WDR49: variants seen among roughly 807,000 people sequenced by gnomAD.
WDR49 encodes the protein WD repeat domain 49.
In WDR49, 107 loss-of-function variants were observed where a neutral mutation model predicts 119.5. The observed-to-expected ratio is 0.90, with a 90% CI of 0.77 to 1.05. The LOEUF (loss-of-function observed/expected upper bound fraction) is 1.05. Among genes scored for constraint, WDR49 ranks in the 50% least tolerant of loss-of-function variants. The pLI is 0.00. For missense variants in WDR49, 1,240 were observed against 1,220.5 expected (o/e 1.02, Z -0.24); for synonymous variants, 425 against 418.8 (o/e 1.01, Z -0.18).
At chr3:167,591,348 T>C (rs1352262525) in intron 7 of WDR49, among the ~76,000 whole-genome samples, 4 of 152,114 alleles carry the variant, frequency 2.6e-5, no homozygotes, top group Admixed American at 1.3e-4. Context: ...CTGAGAATGA[T>C]TCATGTAGTC....
intron 5 of WDR49, among the ~76,000 whole-genome samples, chr3:167,611,873 C>A (rs1716356104): frequency 6.6e-6 from 1 of 152,040 alleles, no homozygotes; most frequent in Non-Finnish European, 1.5e-5. Context: ...AGAGATAGGC[C>A]TTGATACAAT....
chr3:167,555,209 G>C (rs1425561065), intron 9 of WDR49, among the ~76,000 whole-genome samples: 2 of 152,088 alleles, frequency 1.3e-5, no homozygotes, highest in Non-Finnish European at 2.9e-5. Flanking sequence ...CAGTGATGGA[G>C]TCAATCAACC....
At chr3:167,571,370 G>T (rs1713929805) in intron 8 of WDR49, among the ~76,000 whole-genome samples, 1 of 152,036 alleles carries the variant, frequency 6.6e-6, no homozygotes, top group African/African-American at 2.4e-5. Flanking sequence ...TTAGAAGCAG[G>T]ATAAAAAAGT....
intron 2 of WDR49, among the ~76,000 whole-genome samples, chr3:167,645,357 C>T (rs972185090): frequency 6.6e-6 from 1 of 151,962 alleles, no homozygotes; most frequent in Non-Finnish European, 1.5e-5. Flanking sequence ...ATTACAGACA[C>T]CTGCCATAAT....
At position 167,615,590 on chromosome 3, in the gene WDR49, CT is replaced by C. The variant is rs566930666; in HGVS notation, c.958+4838del. Among the ~76,000 whole-genome samples the C allele has an allele frequency of 4.6e-5, 7 of 151,466 alleles. No homozygotes were observed. In the South Asian group the frequency reaches 1.5e-3, roughly 31 times the overall value. The stretch of plus-strand genomic sequence containing the variant: ...CTTTCCAAGTCAAATTGCAAAATGG[CT>C]TTTTTTTGCTCTTCAATCAAAACAT... On this transcript the variant is annotated intron_variant, in intron 5 of 18. Transcript: ENST00000682715.
At position 167,621,482 on chromosome 3, in the gene WDR49, C is replaced by A; in HGVS notation, c.768G>T (p.Gly256=). The change falls in exon 4 of 19, where the codon GGG becomes GGT. Residue 256 remains glycine (G), a synonymous_variant. Transcript: ENST00000682715. ...LDANESILSF[G]DITGKVQAIA... ...CCTCACTTACCTTTCCAGTTATATC[C>A]CCAAAAGAAAGAATTGATTCATTGG... The A allele has an allele frequency of 6.5e-7, 1 of 1,531,396 alleles. No individual in the cohort carries two copies. The allele number at this position is 1,531,396 out of a possible 1,614,324, so 94.9% of individuals were successfully genotyped here.
Position 167,638,416 on chromosome 3 carries a change from G to T in WDR49, c.166-11124C>A, listed in dbSNP as rs574371464. On this transcript the variant is annotated intron_variant, in intron 2 of 18. Transcript: ENST00000682715. ...CTGAATGAGTATACACTATCAAAAT[G>T]CAGCCTTTTCCCCTATAACTATAAT... 4.6e-5 allele frequency among the ~76,000 whole-genome samples: 7 copies of T among 151,578 alleles called. No individual in the cohort carries two copies. The South Asian group carries it at 1.5e-3, about 31-fold the overall frequency.
intron 18 of WDR49, among the ~76,000 whole-genome samples, chr3:167,490,313 T>G (rs181686320): frequency 1.7e-3 from 252 of 152,264 alleles, no homozygotes; most frequent in African/African-American, 5.9e-3. Flanking sequence ...GTGTGTTGTA[T>G]TTGTGAATTT....
chr3:167,553,364 T>C (rs1712693686), intron 10 of WDR49, among the ~76,000 whole-genome samples: 1 of 151,986 alleles, frequency 6.6e-6, no homozygotes, highest in African/African-American at 2.4e-5. Context: ...CCCACCAACA[T>C]AGATAGAATA....
intron 17 of WDR49, among the ~76,000 whole-genome samples, chr3:167,502,099 G>A (rs980053983): frequency 2.0e-5 from 3 of 152,094 alleles, no homozygotes; most frequent in African/African-American, 7.2e-5. Flanking sequence ...GCAATAGTGA[G>A]TGGGTTCTCA....
intron 8 of WDR49, among the ~76,000 whole-genome samples, chr3:167,568,680 C>T (rs1713752895): frequency 6.6e-6 from 1 of 152,120 alleles, no homozygotes; most frequent in Non-Finnish European, 1.5e-5. Context: ...CTTGGTAGTA[C>T]TCACAGCATC....
chr3:167,518,929 GA>G (rs537926194), intron 16 of WDR49, among the ~76,000 whole-genome samples: 338 of 132,804 alleles, frequency 2.5e-3, no homozygotes, highest in Middle Eastern at 0.02. Context: ...AAATTTACAA[GA>G]AAAAAAAAAA....
chr3:167,586,353 G>A (rs184374115), intron 7 of WDR49, among the ~76,000 whole-genome samples: 14 of 152,320 alleles, frequency 9.2e-5, no homozygotes, highest in Admixed American at 2.6e-4. Flanking sequence ...CTTACCACCA[G>A]TGACTGCCAT....
At chr3:167,513,705 T>C (rs1752079072) in intron 16 of WDR49, among the ~76,000 whole-genome samples, 1 of 152,100 alleles carries the variant, frequency 6.6e-6, no homozygotes, top group South Asian at 2.1e-4. Context: ...TGTGCTGTCT[T>C]CAAAAGATGT....
intron 5 of WDR49, among the ~76,000 whole-genome samples, chr3:167,611,793 C>T (rs1462413695): frequency 6.6e-6 from 1 of 152,114 alleles, no homozygotes; most frequent in South Asian, 2.1e-4. Context: ...ATATAAAAAA[C>T]TTTAAATAAA....
At chr3:167,633,368 A>G (rs1046840386) in intron 2 of WDR49, 2 of 438,572 alleles carry the variant, frequency 4.6e-6, no homozygotes, top group Non-Finnish European at 9.1e-6. Flanking sequence ...AGGCACAAAT[A>G]GAAAGCTGTC....
chr3:167,638,922 G>A (rs1029415577), intron 2 of WDR49, among the ~76,000 whole-genome samples: 2 of 151,618 alleles, frequency 1.3e-5, no homozygotes, highest in Non-Finnish European at 3.0e-5. Context: ...TGGTGAATTA[G>A]AAGGGAATTG....
At position 167,593,002 on chromosome 3, in the gene WDR49, T is replaced by C. The variant is rs115016021; in HGVS notation, c.1275+9125A>G. Among the ~76,000 whole-genome samples, 724 of 152,314 alleles carry C rather than the reference T, an allele frequency of 4.8e-3. 5 individuals are homozygous for C. Among genetic ancestry groups the C allele is most frequent in the African/African-American group, 0.017 (700 of 41,592 alleles). ...GAAGCTCTATTTTATGTTATTTGTTTCTTTTCTCTTACTGCCCTTAGGATT... is the reference window on the plus strand; with the variant it reads ...GAAGCTCTATTTTATGTTATTTGTTCCTTTTCTCTTACTGCCCTTAGGATT... On this transcript the variant is annotated intron_variant, in intron 7 of 18. Transcript: ENST00000682715.
At chr3:167,575,043 T>G (rs949567900) in intron 8 of WDR49, 3 of 985,202 alleles carry the variant, frequency 3.0e-6, no homozygotes, top group Non-Finnish European at 3.6e-6. Context: ...CACTAGTCAT[T>G]TCTATGTGAA....
Sources: gnomAD v4.1 joint callset for allele counts (sites outside exome capture counted in the v4.1 genomes callset) on GRCh38, gnomAD v4.1.1 for gene constraint, MANE v1.5 for transcripts, NCBI Gene and HGNC (gene_info 2026-07-23, HGNC 2026-07-21) for gene names.